EPB41L5: variants seen among roughly 807,000 people sequenced by gnomAD.
The protein encoded by EPB41L5 is band 4.1-like protein 5.
Under a neutral mutation model 106.6 loss-of-function variants are expected in EPB41L5, and 55 were observed. The ratio of observed to expected loss-of-function variants is 0.52; its 90% CI spans 0.42 to 0.65. EPB41L5 has a LOEUF of 0.65. EPB41L5 is among the 30% of genes least tolerant of loss of function. The probability of loss-of-function intolerance (pLI) is 0.00; values close to 1 mark genes in which losing one functional copy is unlikely to be tolerated. For synonymous variants in EPB41L5, 297 were observed against 306.7 expected (o/e 0.97, Z 0.33); for missense variants, 871 against 882.1 (o/e 0.99, Z 0.16).
chr2:120,069,409 C>A (rs1681700948), intron 3 of EPB41L5, among the ~76,000 whole-genome samples: 1 of 152,026 alleles, frequency 6.6e-6, no homozygotes, highest in Non-Finnish European at 1.5e-5. Flanking sequence ...TTAGAAAGAT[C>A]AATGAGACAG....
chr2:120,030,663 C>G (rs548681222), intron 2 of EPB41L5, among the ~76,000 whole-genome samples: 2 of 152,102 alleles, frequency 1.3e-5, no homozygotes, highest in Admixed American at 1.3e-4. Context: ...AAGTGATTCT[C>G]CTGCCTCAGC....
intron 2 of EPB41L5, among the ~76,000 whole-genome samples, chr2:120,029,135 GA>G (rs1678534695): frequency 6.6e-6 from 1 of 152,086 alleles, no homozygotes; most frequent in Non-Finnish European, 1.5e-5. Flanking sequence ...AAGTGAATAG[GA>G]AAAATGTTCC....
intron 22 of EPB41L5, among the ~76,000 whole-genome samples, chr2:120,167,172 A>G (rs1353388040): frequency 6.6e-6 from 1 of 152,244 alleles, no homozygotes; most frequent in East Asian, 1.9e-4. Flanking sequence ...GGTGTGAGGT[A>G]GGGGCAGTCC....
chr2:120,024,391 A>C (rs942714783), intron 2 of EPB41L5, among the ~76,000 whole-genome samples: 9 of 152,112 alleles, frequency 5.9e-5, no homozygotes, highest in Non-Finnish European at 1.3e-4. Context: ...TAGCATGAAG[A>C]CTTGTTGAAT....
intron 3 of EPB41L5, among the ~76,000 whole-genome samples, chr2:120,061,071 C>G (rs1220220677): frequency 2.2e-4 from 22 of 98,020 alleles, no homozygotes; most frequent in Non-Finnish European, 3.8e-4. Context: ...GAAGGAGTCT[C>G]ACTCTGTTGC....
chr2:120,142,493 G>A (rs902279841), intron 18 of EPB41L5, among the ~76,000 whole-genome samples: 2 of 152,194 alleles, frequency 1.3e-5, no homozygotes, highest in African/African-American at 4.8e-5. Flanking sequence ...ATTAAGGCAT[G>A]TGTGAGCTTT....
chr2:120,167,435 AAG>A, intron 22 of EPB41L5, 29 bp from the exon 23 acceptor site: 1 of 1,593,086 alleles, frequency 6.3e-7, no homozygotes, highest in Non-Finnish European at 8.6e-7. Flanking sequence ...TCTTTCCAAA[AAG>A]TAAATACATA....
intron 2 of EPB41L5, among the ~76,000 whole-genome samples, chr2:120,037,349 G>A (rs766969125): frequency 3.9e-5 from 6 of 152,132 alleles, no homozygotes; most frequent in Non-Finnish European, 8.8e-5. Flanking sequence ...GTGATCCATA[G>A]ATTAAATGCA....
At chr2:120,018,798 A>G (rs975136520) in intron 1 of EPB41L5, among the ~76,000 whole-genome samples, 7 of 151,966 alleles carry the variant, frequency 4.6e-5, no homozygotes, top group African/African-American at 1.7e-4. Flanking sequence ...ACAGGCATGC[A>G]CCACCACACC....
At chr2:120,118,293 T>G (rs1685044763) in intron 16 of EPB41L5, among the ~76,000 whole-genome samples, 1 of 152,244 alleles carries the variant, frequency 6.6e-6, no homozygotes, top group African/African-American at 2.4e-5. Context: ...TATGTCCACA[T>G]AGAAAAGAAT....
chr2:120,088,033 T>C (rs1372502706), intron 11 of EPB41L5, among the ~76,000 whole-genome samples: 1 of 151,990 alleles, frequency 6.6e-6, no homozygotes, highest in Non-Finnish European at 1.5e-5. Flanking sequence ...TAATAAATTT[T>C]AACATATGCA....
chr2:120,073,251 G>A lies in EPB41L5; in HGVS notation c.328+31G>A, dbSNP rs767412437. ...TGCAGACAAAATTATTTGTGGGGGG[G>A]AAAGGAAATAGAATATATTAGAAAT... On this transcript the variant is annotated intron_variant, in intron 4 of 24. Transcript: ENST00000263713. 27 of 1,530,976 alleles carry A rather than the reference G, an allele frequency of 1.8e-5. No individual in the cohort carries two copies. The South Asian group carries it at 3.0e-4, about 17-fold the overall frequency. 94.8% of individuals were successfully genotyped at this position (1,530,976 alleles called of 1,614,324 possible). A position where few individuals can be genotyped will look rare whatever the true frequency, so the allele number is the denominator to read the frequency against.
intron 3 of EPB41L5, among the ~76,000 whole-genome samples, chr2:120,052,002 T>C (rs1321123259): frequency 2.0e-5 from 3 of 152,150 alleles, no homozygotes; most frequent in African/African-American, 7.2e-5. Flanking sequence ...AATGTTTGTA[T>C]TTTTAGTACA....
chr2:120,020,378 T>C (rs1328084230), intron 2 of EPB41L5, among the ~76,000 whole-genome samples: 2 of 152,218 alleles, frequency 1.3e-5, no homozygotes, highest in African/African-American at 4.8e-5. Context: ...ATTTGGAATG[T>C]ATTAGATATG....
intron 2 of EPB41L5, among the ~76,000 whole-genome samples, chr2:120,022,669 A>G (rs1344909713): frequency 1.3e-5 from 2 of 152,158 alleles, no homozygotes; most frequent in Non-Finnish European, 2.9e-5. Context: ...TTACAGTAAG[A>G]TGATTTATAA....
At chr2:120,014,229 G>A (rs1171651895) in intron 1 of EPB41L5, among the ~76,000 whole-genome samples, 1 of 152,174 alleles carries the variant, frequency 6.6e-6, no homozygotes, top group Admixed American at 6.5e-5. Context: ...TAACTTTTGG[G>A]TTTTGGGTAC....
At chr2:120,163,069 T>A (rs1355281101) in intron 21 of EPB41L5, among the ~76,000 whole-genome samples, 1 of 151,998 alleles carries the variant, frequency 6.6e-6, no homozygotes, top group South Asian at 2.1e-4. Context: ...CTGGGCAACA[T>A]AGGGAGACCC....
At chr2:120,036,979 T>C (rs1159875591) in intron 2 of EPB41L5, among the ~76,000 whole-genome samples, 1 of 152,084 alleles carries the variant, frequency 6.6e-6, no homozygotes, top group Admixed American at 6.6e-5. Context: ...CTGGAACTTC[T>C]GTCCAGAGCA....
intron 16 of EPB41L5, among the ~76,000 whole-genome samples, chr2:120,117,781 CAGT>C (rs1224484854): frequency 2.6e-5 from 4 of 152,132 alleles, no homozygotes; most frequent in Non-Finnish European, 4.4e-5. Context: ...AAATCCCTCT[CAGT>C]AGCATATTTG....
Sources: allele counts gnomAD v4.1 joint callset (sites outside exome capture counted in the v4.1 genomes callset), GRCh38; gene constraint gnomAD v4.1.1; transcripts MANE v1.5; gene names NCBI Gene and HGNC (gene_info 2026-07-23, HGNC 2026-07-21).